The following ZC3H11A variants were observed in gnomAD, a reference collection of about 807,000 sequenced individuals.
ZC3H11A encodes zinc finger CCCH-type containing 11A.
In ZC3H11A, 22 loss-of-function variants were observed where a neutral mutation model predicts 90.8. That is an observed-to-expected ratio of 0.24 (90% confidence interval 0.17 to 0.35). The LOEUF is 0.35. Among genes scored for constraint, ZC3H11A ranks in the 10% least tolerant of loss-of-function variants. The probability of loss-of-function intolerance (pLI) is 1.00; values close to 1 mark genes in which losing one functional copy is unlikely to be tolerated. For missense variants in ZC3H11A, 701 were observed against 964.9 expected (o/e 0.73, Z 3.62); for synonymous variants, 294 against 339.8 (o/e 0.87, Z 1.48).
In ZC3H11A at chr1:203,851,065, C is replaced by T. The variant is rs745942363; in HGVS notation, c.2115C>T (p.Val705=). The change falls in exon 17 of 18, where the codon GTC becomes GTT. Residue 705 remains valine, a synonymous_variant. Transcript: ENST00000367210. The part of the protein sequence containing the change: ...PPAKKAAVAV[V]PLVSEDKSVT... ...GACTCTTCCTTTTGTAGGCTGTTGT[C>T]CCGCTTGTCTCTGAGGACAAATCAG... 1.7e-5 allele frequency: 27 copies of T among 1,614,156 alleles called. No individual in the cohort carries two copies. The highest frequency in any genetic ancestry group is 2.3e-5 in the Non-Finnish European group (27 of 1,180,026).
chr1:203,804,191 G>A (rs1441701729), intron 2 of ZC3H11A, among the ~76,000 whole-genome samples: 6 of 137,028 alleles, frequency 4.4e-5, no homozygotes, highest in African/African-American at 8.2e-5. Context: ...TCGCTCTGTC[G>A]CCCAGGCTGG....
intron 9 of ZC3H11A, among the ~76,000 whole-genome samples, chr1:203,833,223 C>T (rs892059151): frequency 1.3e-5 from 2 of 152,092 alleles, no homozygotes; most frequent in African/African-American, 4.8e-5. Flanking sequence ...CAAAATTTAG[C>T]TGGGCATGGT....
chr1:203,799,462 A>C, intron 1 of ZC3H11A: 1 of 703,042 alleles, frequency 1.4e-6, no homozygotes, highest in Non-Finnish European at 2.6e-6. Context: ...GAAACTGGCC[A>C]TTGGATTTCT....
intron 12 of ZC3H11A, 124 bp downstream of exon 12, chr1:203,840,498 G>GT (rs1192913435): frequency 4.4e-6 from 4 of 912,138 alleles, no homozygotes; most frequent in Non-Finnish European, 6.5e-6. Context: ...AGTTCTGTTT[G>GT]TTTTTTAAGT....
chr1:203,851,299 T>G (rs1689196544), intron 17 of ZC3H11A, among the ~76,000 whole-genome samples, 175 bp downstream of exon 17: 1 of 152,234 alleles, frequency 6.6e-6, no homozygotes, highest in Non-Finnish European at 1.5e-5. Context: ...GGTGCCATTG[T>G]TTACATTTTG....
At position 203,804,447 on chromosome 1, in the gene ZC3H11A, C is replaced by T. The variant is rs1571924761; in HGVS notation, c.-146+1431C>T. On this transcript the variant is annotated intron_variant, in intron 2 of 17. Coordinates refer to ENST00000367210, the MANE Select transcript of ZC3H11A (RefSeq NM_001376342.1). ...GATTACAAGCATGAGCCACCACGCC[C>T]GGCCCTTCCTGTATATCTTTTTATT... Among the ~76,000 whole-genome samples, 3 of 151,998 alleles carry T rather than the reference C, an allele frequency of 2.0e-5. No individual in the cohort carries two copies. In the South Asian group the frequency reaches 6.2e-4, roughly 32 times the overall value.
chr1:203,812,461 C>G, intron 2 of ZC3H11A, among the ~76,000 whole-genome samples: 1 of 151,996 alleles, frequency 6.6e-6, no homozygotes, highest in Admixed American at 6.6e-5. Context: ...GATTTTGTTC[C>G]TTTTTATTGG....
rs760377233 is a variant in ZC3H11A, at chr1:203,849,832, G to A, written c.1745G>A (p.Arg582Gln). The change falls in exon 15 of 18, where the codon CGG becomes CAG. Residue 582 changes from arginine to glutamine, a missense_variant. This residue lies in a region of ZC3H11A where 530 missense variants were observed against 696.2 expected (regional missense o/e 0.76). Coordinates refer to ENST00000367210, the MANE Select transcript of ZC3H11A (RefSeq NM_001376342.1). Reference protein sequence around the residue: ...EREKSVLTPLRGDVASCNTQV... With the variant: ...EREKSVLTPLQGDVASCNTQV... ...GAAAAATCAGTCTTGACACCTCTTC[G>A]GGGAGATGTAGCCTCTTGCAATACC... The A allele has an allele frequency of 1.9e-5, 30 of 1,613,936 alleles. No homozygotes were observed. The highest frequency in any genetic ancestry group is 2.4e-5 in the Non-Finnish European group (28 of 1,179,960).
chr1:203,811,219 A>G (rs573079622), intron 2 of ZC3H11A, among the ~76,000 whole-genome samples: 2 of 151,064 alleles, frequency 1.3e-5, no homozygotes, highest in South Asian at 4.2e-4. Context: ...GAGGCAGGCG[A>G]CTCACTTGAA....
intron 10 of ZC3H11A, among the ~76,000 whole-genome samples, chr1:203,836,333 C>T (rs1014858287): frequency 1.3e-5 from 2 of 152,222 alleles, no homozygotes; most frequent in African/African-American, 4.8e-5. Context: ...GAGAAACAAT[C>T]ATACTCTGTG....
At chr1:203,800,700 TA>T (rs1670299227) in intron 1 of ZC3H11A, 1 of 331,968 alleles carries the variant, frequency 3.0e-6, no homozygotes, top group Non-Finnish European at 5.4e-6. Context: ...AGAGAGAAGA[TA>T]TTTTTAATTA....
At chr1:203,822,288 T>C in intron 4 of ZC3H11A, among the ~76,000 whole-genome samples, 1 of 152,124 alleles carries the variant, frequency 6.6e-6, no homozygotes. Context: ...TCTCAGGCTC[T>C]GACATGACAC....
intron 3 of ZC3H11A, 71 bp from the exon 4 acceptor site, chr1:203,818,499 C>T: frequency 6.3e-7 from 1 of 1,595,806 alleles, no homozygotes; most frequent in Non-Finnish European, 8.6e-7. Context: ...ATTCCAGGAG[C>T]TCTTGTTATG....
chr1:203,841,160 T>A (rs987088100), intron 12 of ZC3H11A, among the ~76,000 whole-genome samples: 1 of 150,436 alleles, frequency 6.6e-6, no homozygotes, highest in South Asian at 2.1e-4. Context: ...TTTTTTTATT[T>A]TTTTTTTTAG....
intron 7 of ZC3H11A, 96 bp from the exon 8 acceptor site, chr1:203,830,027 G>C (rs191351562): frequency 7.6e-7 from 1 of 1,321,474 alleles, no homozygotes; most frequent in East Asian, 2.3e-5. Flanking sequence ...AGTTTCTGTT[G>C]ATCATTTATT....
intron 13 of ZC3H11A, 119 bp from the exon 14 acceptor site, chr1:203,848,212 A>G (rs944000170): frequency 1.2e-6 from 1 of 843,040 alleles, no homozygotes; most frequent in Admixed American, 2.6e-5. Context: ...GATGGGCTTT[A>G]TCTGTAATTT....
chr1:203,831,627 A>G, intron 8 of ZC3H11A, 34 bp from the exon 9 acceptor site: 5 of 1,574,030 alleles, frequency 3.2e-6, no homozygotes, highest in Non-Finnish European at 4.3e-6. Flanking sequence ...ATTTTCCATA[A>G]ATTATTTGCT....
intron 4 of ZC3H11A, among the ~76,000 whole-genome samples, chr1:203,826,378 ATAAT>A (rs67046111): frequency 0.061 from 9,213 of 151,052 alleles, 807 homozygotes; most frequent in East Asian, 0.4. Context: ...TTGATTAATA[ATAAT>A]TAATTCTTTT....
intron 11 of ZC3H11A, 134 bp from the exon 12 acceptor site, chr1:203,840,172 C>CA (rs75699030): frequency 0.15 from 116,489 of 796,078 alleles, 10,404 homozygotes; most frequent in Admixed American, 0.31. Flanking sequence ...GTCCTGACCT[C>CA]AAGTGATCAG....
Sources: allele counts gnomAD v4.1 joint callset (sites outside exome capture counted in the v4.1 genomes callset), GRCh38; gene constraint gnomAD v4.1.1; regional missense constraint gnomAD v4.1.1; transcripts MANE v1.5; gene names NCBI Gene and HGNC (gene_info 2026-07-23, HGNC 2026-07-21).